LRMDA: variants seen among roughly 807,000 people sequenced by gnomAD.
LRMDA encodes leucine-rich melanocyte differentiation-associated protein.
LRMDA carries 18 observed loss-of-function variants against 29.8 expected under a neutral mutation model. The ratio of observed to expected loss-of-function variants is 0.60; its 90% CI spans 0.42 to 0.90. The LOEUF (loss-of-function observed/expected upper bound fraction) is 0.90. Ranked by LOEUF, LRMDA falls within the 40% of genes least tolerant of loss-of-function variation. The pLI is 0.00. For missense variants in LRMDA, 273 were observed against 273.9 expected, an observed-to-expected ratio of 1.00 and a Z score of 0.02; for synonymous variants, 125 against 109.4, an observed-to-expected ratio of 1.14 and a Z score of -0.89.
In LRMDA at chr10:76,428,382, A is replaced by G. The variant is rs12217503; in HGVS notation, c.601+103897A>G. Reference sequence around the variant, plus strand: ...TCATCCTTGATGCTGGCTCAGGCCCATCTGTGGAGATTGACATGGCTTTAA... The same window carrying G: ...TCATCCTTGATGCTGGCTCAGGCCCGTCTGTGGAGATTGACATGGCTTTAA... On this transcript the variant is annotated intron_variant, in intron 6 of 6. Transcript: ENST00000611255. Among the ~76,000 whole-genome samples the G allele has an allele frequency of 1.2e-4, 18 of 152,284 alleles. 1 individual carries two copies. In the East Asian group the frequency reaches 3.5e-3, roughly 29 times the overall value.
At chr10:76,040,512 G>A (rs986485676) in intron 3 of LRMDA, among the ~76,000 whole-genome samples, 1 of 151,958 alleles carries the variant, frequency 6.6e-6, no homozygotes, top group Non-Finnish European at 1.5e-5. Flanking sequence ...GTTTCATTGA[G>A]ACTGGCCAGG....
intron 2 of LRMDA, among the ~76,000 whole-genome samples, chr10:75,800,538 A>G (rs1392678659): frequency 6.6e-6 from 1 of 151,850 alleles, no homozygotes; most frequent in Non-Finnish European, 1.5e-5. Context: ...CCCGCGTTCA[A>G]GTGATTCTTC....
intron 5 of LRMDA, among the ~76,000 whole-genome samples, chr10:76,297,523 A>C (rs922068070): frequency 1.3e-5 from 2 of 152,230 alleles, no homozygotes; most frequent in African/African-American, 4.8e-5. Context: ...TTGGGGTAGT[A>C]GAACAAGCTT....
intron 5 of LRMDA, among the ~76,000 whole-genome samples, chr10:76,208,937 T>C (rs767384515): frequency 2.0e-5 from 3 of 152,102 alleles, no homozygotes; most frequent in Non-Finnish European, 4.4e-5. Context: ...GCGGATCACC[T>C]GAGGTCAGGA....
At chr10:76,206,875 A>G (rs1456311415) in intron 5 of LRMDA, among the ~76,000 whole-genome samples, 2 of 152,198 alleles carry the variant, frequency 1.3e-5, no homozygotes, top group Admixed American at 6.5e-5. Context: ...ATCTCCTTAA[A>G]GAGTCAGTGC....
At chr10:75,554,932 G>A (rs1457425400) in intron 2 of LRMDA, among the ~76,000 whole-genome samples, 1 of 152,166 alleles carries the variant, frequency 6.6e-6, no homozygotes, top group East Asian at 1.9e-4. Flanking sequence ...CTTGTCAGTA[G>A]AGAGATTTAA....
intron 5 of LRMDA, among the ~76,000 whole-genome samples, chr10:76,247,331 A>G (rs1267488671): frequency 1.3e-5 from 2 of 152,138 alleles, no homozygotes; most frequent in African/African-American, 4.8e-5. Context: ...GGTTTCTCAG[A>G]ATTTGAGGCA....
At chr10:76,156,436 G>A (rs1040130188) in intron 5 of LRMDA, among the ~76,000 whole-genome samples, 4 of 152,104 alleles carry the variant, frequency 2.6e-5, no homozygotes, top group African/African-American at 9.7e-5. Context: ...TTTCCAAACA[G>A]TGTCATAAAA....
At chr10:75,725,598 G>C (rs1842622125) in intron 2 of LRMDA, among the ~76,000 whole-genome samples, 1 of 152,194 alleles carries the variant, frequency 6.6e-6, no homozygotes, top group Non-Finnish European at 1.5e-5. Flanking sequence ...CCTTCATTAT[G>C]ACAGGCCATT....
At chr10:76,253,326 C>T (rs1163444035) in intron 5 of LRMDA, among the ~76,000 whole-genome samples, 2 of 152,130 alleles carry the variant, frequency 1.3e-5, no homozygotes, top group African/African-American at 4.8e-5. Flanking sequence ...AATTGATCTG[C>T]TATGAATTGC....
At chr10:76,067,022 G>A (rs966418828) in intron 5 of LRMDA, among the ~76,000 whole-genome samples, 2 of 152,190 alleles carry the variant, frequency 1.3e-5, no homozygotes, top group African/African-American at 4.8e-5. Context: ...AGCTACAGGG[G>A]TTAGAGAGCT....
chr10:75,974,474 G>C (rs565081171), intron 2 of LRMDA, among the ~76,000 whole-genome samples: 1 of 152,236 alleles, frequency 6.6e-6, no homozygotes, highest in Admixed American at 6.5e-5. Context: ...TTCTTTGTCT[G>C]TAAAATGAGG....
chr10:76,130,914 C>T (rs141589037), intron 5 of LRMDA, among the ~76,000 whole-genome samples: 3,956 of 152,262 alleles, frequency 0.026, 156 homozygotes, highest in African/African-American at 0.088. Flanking sequence ...CCACTCGCCT[C>T]GGCCTCCCAA....
chr10:75,916,205 T>G, intron 2 of LRMDA, among the ~76,000 whole-genome samples: 1 of 130,556 alleles, frequency 7.7e-6, no homozygotes, highest in South Asian at 2.5e-4. Flanking sequence ...TGGGTGGGTG[T>G]GCATGTGTGT....
At chr10:75,610,077 A>T (rs1841008449) in intron 2 of LRMDA, among the ~76,000 whole-genome samples, 1 of 152,180 alleles carries the variant, frequency 6.6e-6, no homozygotes, top group African/African-American at 2.4e-5. Context: ...TTAATTTTTT[A>T]AAAAAGAAAT....
chr10:76,530,988 GT>G (rs1157912968), intron 6 of LRMDA, among the ~76,000 whole-genome samples: 1 of 152,114 alleles, frequency 6.6e-6, no homozygotes, highest in Non-Finnish European at 1.5e-5. Context: ...GAGAACTTCT[GT>G]TTTTTCCATG....
chr10:75,589,291 G>C (rs905704606), intron 2 of LRMDA, among the ~76,000 whole-genome samples: 1 of 152,072 alleles, frequency 6.6e-6, no homozygotes, highest in African/African-American at 2.4e-5. Context: ...TTGGATTTGG[G>C]CCAATATGAT....
intron 5 of LRMDA, among the ~76,000 whole-genome samples, chr10:76,230,252 A>G (rs1852033759): frequency 6.6e-6 from 1 of 152,200 alleles, no homozygotes; most frequent in African/African-American, 2.4e-5. Context: ...GCTTCCACAC[A>G]TATTCAAGTT....
At chr10:76,316,235 C>T (rs1230561170) in intron 5 of LRMDA, among the ~76,000 whole-genome samples, 1 of 152,156 alleles carries the variant, frequency 6.6e-6, no homozygotes, top group Admixed American at 6.5e-5. Flanking sequence ...TGGTTCCTGG[C>T]GTCTCCCAGC....
Sources: gnomAD v4.1 joint callset for allele counts (sites outside exome capture counted in the v4.1 genomes callset) on GRCh38, gnomAD v4.1.1 for gene constraint, MANE v1.5 for transcripts, NCBI Gene and HGNC (gene_info 2026-07-23, HGNC 2026-07-21) for gene names.